Variants in MCF2L2 observed in about 807,000 individuals in gnomAD.
MCF2L2 encodes the protein MCF.2 cell line derived transforming sequence-like 2.
Under a neutral mutation model 150.2 loss-of-function variants are expected in MCF2L2, and 102 were observed. The observed-to-expected ratio is 0.68, with a 90% confidence interval of 0.58 to 0.80. The LOEUF (loss-of-function observed/expected upper bound fraction) is 0.80. Ranked by LOEUF, MCF2L2 falls within the 30% of genes least tolerant of loss-of-function variation. MCF2L2 has a pLI of 0.00. For missense variants in MCF2L2, 1,256 were observed against 1,372.8 expected (o/e 0.91, Z 1.34); for synonymous variants, 465 against 491.3 (o/e 0.95, Z 0.71).
chr3:183,188,234 C>T (rs1721763927), intron 27 of MCF2L2, among the ~76,000 whole-genome samples: 1 of 152,124 alleles, frequency 6.6e-6, no homozygotes, highest in Non-Finnish European at 1.5e-5. Context: ...CAGCCAAGGA[C>T]CAACTGCAGT....
rs1576899490 is a variant in MCF2L2, at chr3:183,178,404, T to C, written c.*976A>G. On this transcript the variant is annotated 3_prime_UTR_variant, in exon 30 of 30. Coordinates refer to ENST00000328913, the MANE Select transcript of MCF2L2 (RefSeq NM_015078.4). ...AGAATGGCGTGAACCCGGGAGGCGG[T>C]TTGCAGTGAGCCGAGATCACACCAC... 2 of 151,556 alleles carry C rather than the reference T, an allele frequency of 1.3e-5. No homozygotes were observed. Among genetic ancestry groups the C allele is most frequent in the Non-Finnish European group, 2.9e-5 (2 of 67,882 alleles). The allele number at this position is 151,556 out of a possible 1,614,324, so 9.4% of individuals were successfully genotyped here. A position where few individuals can be genotyped will look rare whatever the true frequency, so the allele number is the denominator to read the frequency against.
At chr3:183,233,857 A>G (rs1433720877) in intron 15 of MCF2L2, among the ~76,000 whole-genome samples, 2 of 152,244 alleles carry the variant, frequency 1.3e-5, no homozygotes, top group Admixed American at 6.5e-5. Context: ...TTTGATAGAT[A>G]TAAATAAATA....
intron 25 of MCF2L2, among the ~76,000 whole-genome samples, chr3:183,204,162 A>G (rs1008404050): frequency 1.3e-5 from 2 of 152,128 alleles, no homozygotes; most frequent in Non-Finnish European, 2.9e-5. Flanking sequence ...AAAACTATAA[A>G]CTCTTTGCAA....
At chr3:183,338,678 G>T in intron 5 of MCF2L2, 122 bp downstream of exon 5, 1 of 990,786 alleles carries the variant, frequency 1.0e-6, no homozygotes, top group Non-Finnish European at 1.4e-6. Context: ...GGTTCCCTCA[G>T]CCCAGAGAAC....
intron 7 of MCF2L2, among the ~76,000 whole-genome samples, chr3:183,316,432 T>A (rs1429333591): frequency 6.8e-6 from 1 of 147,100 alleles, no homozygotes; most frequent in East Asian, 2.2e-4. Context: ...GCAACCTCCA[T>A]CTCCCGGGTT....
At chr3:183,298,040 G>C (rs1317182641) in intron 11 of MCF2L2, 2 of 152,234 alleles carry the variant, frequency 1.3e-5, no homozygotes, top group Non-Finnish European at 2.9e-5. Context: ...TGGATTCCCA[G>C]GTGATCCCTA....
chr3:183,223,511 G>T, intron 19 of MCF2L2, 73 bp from the exon 20 acceptor site: 1 of 1,158,008 alleles, frequency 8.6e-7, no homozygotes, highest in Non-Finnish European at 1.3e-6. Context: ...CAGCATTTAG[G>T]TACAAAACAC....
At chr3:183,424,541 G>A (rs1268393085) in intron 1 of MCF2L2, among the ~76,000 whole-genome samples, 3 of 152,198 alleles carry the variant, frequency 2.0e-5, no homozygotes, top group Admixed American at 6.5e-5. Context: ...TGTGTTAAGT[G>A]GCTATCTAGG....
chr3:183,298,765 G>GCGCGCGCGTGCA, intron 11 of MCF2L2: 1 of 138,500 alleles, frequency 7.2e-6, no homozygotes, highest in African/African-American at 2.9e-5. Flanking sequence ...AAACACACAT[G>GCGCGCGCGTGCA]CACACACACA....
At chr3:183,403,083 G>C (rs1714858194) in intron 1 of MCF2L2, among the ~76,000 whole-genome samples, 1 of 151,926 alleles carries the variant, frequency 6.6e-6, no homozygotes, top group Non-Finnish European at 1.5e-5. Context: ...AGACCAGCCT[G>C]GCCAACATGG....
At chr3:183,264,173 G>C (rs1381805539) in intron 15 of MCF2L2, among the ~76,000 whole-genome samples, 2 of 152,156 alleles carry the variant, frequency 1.3e-5, no homozygotes, top group Non-Finnish European at 2.9e-5. Context: ...TGATTTTCAA[G>C]GTTCTCCATA....
chr3:183,272,681 T>C lies in MCF2L2; in HGVS notation c.1862+4191A>G, dbSNP rs932807585. 3.0e-6 allele frequency: 3 copies of C among 1,006,446 alleles called. No homozygotes were observed. In the South Asian group the frequency reaches 1.4e-4, roughly 47 times the overall value. The allele number at this position is 1,006,446 out of a possible 1,614,324, so 62.3% of individuals were successfully genotyped here. A position where few individuals can be genotyped will look rare whatever the true frequency, so the allele number is the denominator to read the frequency against. ...ATTACAGTTTAAGTTTTCTGACCAATTAAAAAAACATAGAGAACAAAAGCA... is the reference window on the plus strand; with the variant it reads ...ATTACAGTTTAAGTTTTCTGACCAACTAAAAAAACATAGAGAACAAAAGCA... On this transcript the variant is annotated intron_variant, in intron 15 of 29. Transcript: ENST00000328913.
chr3:183,393,980 A>G (rs562806007), intron 1 of MCF2L2, among the ~76,000 whole-genome samples: 1 of 152,354 alleles, frequency 6.6e-6, no homozygotes, highest in East Asian at 1.9e-4. Context: ...CTGTCACACT[A>G]TGATTTAAAA....
At chr3:183,277,035 G>A (rs1188284314) in intron 14 of MCF2L2, 78 bp from the exon 15 acceptor site, 16 of 1,010,742 alleles carry the variant, frequency 1.6e-5, no homozygotes, top group South Asian at 9.3e-5. Flanking sequence ...CCCAATTTCT[G>A]TGTTTGATTT....
At chr3:183,268,563 A>C (rs1387319885) in intron 15 of MCF2L2, among the ~76,000 whole-genome samples, 2 of 152,228 alleles carry the variant, frequency 1.3e-5, no homozygotes, top group Non-Finnish European at 2.9e-5. Flanking sequence ...AGTTAGGCAC[A>C]TGTAAAGAGA....
rs1400608508 is a variant in MCF2L2, at chr3:183,181,245, G to GC, written c.3017-1087dup. Among the ~76,000 whole-genome samples, 1 of 152,094 alleles carries GC rather than the reference G, an allele frequency of 6.6e-6. No individual in the cohort carries two copies. The highest frequency in any genetic ancestry group is 2.4e-5 in the African/African-American group (1 of 41,420). On this transcript the variant is annotated intron_variant, in intron 27 of 29. Transcript: ENST00000328913. This position sits in a 1 kb window ranked among gnomAD's most constrained non-coding sequence, Gnocchi z 4.3. Reference sequence around the variant, plus strand: ...AGCGTCTCCTGGGCTGCTGCCCCAAGCCCCCAACAAGCCACGTTCTGGGCC... The same window carrying GC: ...AGCGTCTCCTGGGCTGCTGCCCCAAGCCCCCCAACAAGCCACGTTCTGGGCC...
chr3:183,397,515 G>A (rs899968279), intron 1 of MCF2L2, among the ~76,000 whole-genome samples: 1 of 152,156 alleles, frequency 6.6e-6, no homozygotes, highest in African/African-American at 2.4e-5. Flanking sequence ...CCATCACCTC[G>A]GGGGTTAGGT....
chr3:183,247,236 T>A (rs899548834), intron 15 of MCF2L2, among the ~76,000 whole-genome samples: 2 of 152,208 alleles, frequency 1.3e-5, no homozygotes, highest in South Asian at 4.1e-4. Flanking sequence ...CGAGCATGAA[T>A]GTCAGTCCAT....
chr3:183,307,123 G>A (rs1729135628), intron 10 of MCF2L2, among the ~76,000 whole-genome samples: 1 of 152,232 alleles, frequency 6.6e-6, no homozygotes, highest in African/African-American at 2.4e-5. Context: ...TTACTTGTGA[G>A]AATGATGTCA....
Sources: gnomAD v4.1 joint callset for allele counts (sites outside exome capture counted in the v4.1 genomes callset) on GRCh38, gnomAD v4.1.1 for gene constraint, Gnocchi (gnomAD v3.1) non-coding constraint, MANE v1.5 for transcripts, NCBI Gene and HGNC (gene_info 2026-07-23, HGNC 2026-07-21) for gene names.